DEPTOR: variants seen among roughly 807,000 people sequenced by gnomAD.
The protein encoded by DEPTOR is DEP domain containing MTOR interacting protein.
Under a neutral mutation model 41.6 loss-of-function variants are expected in DEPTOR, and 41 were observed. That is an observed-to-expected ratio of 0.98 (90% CI 0.77 to 1.28). The LOEUF is 1.28. DEPTOR is among the 50% of genes most tolerant of loss of function. The pLI, the probability that DEPTOR is intolerant of heterozygous loss-of-function variation, is 0.00. For synonymous variants in DEPTOR, 195 were observed against 192.3 expected (o/e 1.01, Z -0.12); for missense variants, 514 against 527.9 (o/e 0.97, Z 0.26).
At chr8:119,880,014 C>A (rs190174345) in intron 1 of DEPTOR, among the ~76,000 whole-genome samples, 3 of 151,526 alleles carry the variant, frequency 2.0e-5, no homozygotes, top group African/African-American at 7.3e-5. Context: ...CGGTGGCAGG[C>A]ACCTATAGTC....
intron 3 of DEPTOR, among the ~76,000 whole-genome samples, chr8:119,935,946 G>C (rs1428042564): frequency 2.0e-5 from 3 of 148,264 alleles, no homozygotes; most frequent in Admixed American, 6.7e-5. Context: ...CCTCAGTTTT[G>C]ATATGGAACT....
At chr8:119,912,862 G>A (rs1827762135) in intron 1 of DEPTOR, among the ~76,000 whole-genome samples, 2 of 152,148 alleles carry the variant, frequency 1.3e-5, no homozygotes, top group African/African-American at 2.4e-5. Flanking sequence ...TATCCTAGAG[G>A]CTGTCAACCT....
chr8:119,910,157 A>G (rs6995139), intron 1 of DEPTOR, among the ~76,000 whole-genome samples: 75,839 of 152,126 alleles, frequency 0.5, 20,627 homozygotes, highest in East Asian at 0.92. Context: ...CAGGGGCTAC[A>G]TTGGGAAACA....
chr8:119,999,914 G>A (rs532830200), intron 4 of DEPTOR, among the ~76,000 whole-genome samples: 13 of 152,174 alleles, frequency 8.5e-5, no homozygotes, highest in East Asian at 3.9e-4. Context: ...TGATAAAACC[G>A]CACTGAACTA....
At chr8:119,918,942 T>A (rs980246470) in intron 1 of DEPTOR, among the ~76,000 whole-genome samples, 1 of 135,752 alleles carries the variant, frequency 7.4e-6, no homozygotes, top group Non-Finnish European at 1.6e-5. Flanking sequence ...ATAGTGAGTG[T>A]GTGTGTGTGT....
chr8:119,928,601 G>C, intron 2 of DEPTOR, 23 bp downstream of exon 2: 1 of 1,606,534 alleles, frequency 6.2e-7, no homozygotes, highest in African/African-American at 1.3e-5. Context: ...GCGAGTCAAG[G>C]TGACTTGAGA....
chr8:119,929,944 T>A lies in DEPTOR; in HGVS notation c.425+6T>A. The stretch of plus-strand genomic sequence containing the variant: ...GGACAGAGGCTATATGAAAAGTATG[T>A]TCCGCATGAAATCCCCCCTGTAATC... On this transcript the variant is annotated splice_donor_region_variant and intron_variant, in intron 3 of 8. Coordinates refer to ENST00000286234, the MANE Select transcript of DEPTOR (RefSeq NM_022783.4). 13 of 1,607,124 alleles carry A rather than the reference T, an allele frequency of 8.1e-6. No individual in the cohort carries two copies. The highest frequency in any genetic ancestry group is 1.1e-5 in the Non-Finnish European group (13 of 1,174,972).
chr8:119,905,616 A>G (rs1420683277), intron 1 of DEPTOR, among the ~76,000 whole-genome samples: 1 of 142,772 alleles, frequency 7.0e-6, no homozygotes, highest in Non-Finnish European at 1.5e-5. Context: ...TTTCCCCAAT[A>G]TGGGCTTTAT....
At chr8:120,002,901 G>A in intron 5 of DEPTOR, 76 bp from the exon 6 acceptor site, 2 of 1,500,908 alleles carry the variant, frequency 1.3e-6, no homozygotes, top group Non-Finnish European at 1.8e-6. Context: ...TCTGGACCTT[G>A]CAGTTGAAAG....
chr8:119,894,281 G>T (rs1827486354), intron 1 of DEPTOR, among the ~76,000 whole-genome samples: 8 of 152,114 alleles, frequency 5.3e-5, no homozygotes, highest in Admixed American at 3.9e-4. Context: ...GTCCAGGCTG[G>T]TCTCAAACTC....
chr8:119,978,032 C>T (rs1828718250), intron 4 of DEPTOR, among the ~76,000 whole-genome samples: 1 of 152,094 alleles, frequency 6.6e-6, no homozygotes, highest in African/African-American at 2.4e-5. Flanking sequence ...GAATCTTTGT[C>T]CATTGTATAT....
chr8:120,007,602 C>G (rs1349611772), intron 7 of DEPTOR, among the ~76,000 whole-genome samples: 1 of 152,176 alleles, frequency 6.6e-6, no homozygotes, highest in Non-Finnish European at 1.5e-5. Flanking sequence ...ACGTTCATAC[C>G]CTCTTCAAAA....
At chr8:120,040,783 G>A (rs563570202) in intron 8 of DEPTOR, among the ~76,000 whole-genome samples, 3 of 152,294 alleles carry the variant, frequency 2.0e-5, no homozygotes, top group Admixed American at 6.5e-5. Context: ...TAGTAGGGAC[G>A]TGTAGGAAAG....
chr8:119,955,757 C>T (rs1159545641), intron 3 of DEPTOR, among the ~76,000 whole-genome samples: 1 of 152,152 alleles, frequency 6.6e-6, no homozygotes, highest in African/African-American at 2.4e-5. Flanking sequence ...TGAGCCACTG[C>T]ACCCTGCTGA....
chr8:119,938,084 A>T (rs944813775), intron 3 of DEPTOR, among the ~76,000 whole-genome samples: 12 of 152,214 alleles, frequency 7.9e-5, no homozygotes, highest in Non-Finnish European at 1.6e-4. Context: ...TGCTTATAAG[A>T]CATAAAGAAA....
At chr8:119,992,236 G>A (rs1313413009) in intron 4 of DEPTOR, among the ~76,000 whole-genome samples, 1 of 152,202 alleles carries the variant, frequency 6.6e-6, no homozygotes, top group South Asian at 2.1e-4. Context: ...AGAAGCCCCA[G>A]CCACCCTTGT....
intron 8 of DEPTOR, among the ~76,000 whole-genome samples, chr8:120,028,452 C>CTTTT (rs754049805): frequency 7.5e-5 from 8 of 107,350 alleles, no homozygotes; most frequent in African/African-American, 1.8e-4. Flanking sequence ...AGCTCCAAAT[C>CTTTT]TTTTTTTTTT....
intron 1 of DEPTOR, among the ~76,000 whole-genome samples, chr8:119,921,842 CCT>C: frequency 6.6e-6 from 1 of 150,624 alleles, no homozygotes; most frequent in Non-Finnish European, 1.5e-5. Flanking sequence ...CTCACTGTAA[CCT>C]CTGCCTTCTG....
chr8:119,911,252 G>A (rs527920654), intron 1 of DEPTOR, among the ~76,000 whole-genome samples: 46 of 151,730 alleles, frequency 3.0e-4, no homozygotes, highest in African/African-American at 1.1e-3. Context: ...AGACCTGCCT[G>A]GATCCTGACA....
Sources: gnomAD v4.1 joint callset for allele counts (sites outside exome capture counted in the v4.1 genomes callset) on GRCh38, gnomAD v4.1.1 for gene constraint, MANE v1.5 for transcripts, NCBI Gene and HGNC (gene_info 2026-07-23, HGNC 2026-07-21) for gene names.